The following XPOT variants were observed in gnomAD, a reference collection of about 807,000 sequenced individuals.
XPOT encodes exportin-T.
Under a neutral mutation model 128.2 loss-of-function variants are expected in XPOT, and 34 were observed. The observed-to-expected ratio is 0.27, with a 90% CI of 0.20 to 0.35. The LOEUF is 0.35. XPOT is among the 10% of genes least tolerant of loss of function. The probability of loss-of-function intolerance (pLI) is 1.00; values close to 1 mark genes in which losing one functional copy is unlikely to be tolerated. For missense variants in XPOT, 838 were observed against 1,125.3 expected, an observed-to-expected ratio of 0.74 and a Z score of 3.65; for synonymous variants, 348 against 394.3, an observed-to-expected ratio of 0.88 and a Z score of 1.39.
intron 9 of XPOT, 144 bp downstream of exon 9, chr12:64,421,615 C>A: frequency 1.7e-6 from 1 of 578,992 alleles, no homozygotes; most frequent in Non-Finnish European, 3.0e-6. Flanking sequence ...AATGTATTTC[C>A]ATCTTAAAAA....
chr12:64,418,137 G>A lies in XPOT; in HGVS notation c.270+22G>A, dbSNP rs181425665. The A allele has an allele frequency of 4.8e-5, 77 of 1,590,930 alleles. No homozygotes were observed. In the African/African-American group the frequency reaches 1.0e-3, roughly 21 times the overall value. On this transcript the variant is annotated intron_variant, in intron 5 of 24. Coordinates refer to ENST00000332707, the MANE Select transcript of XPOT (RefSeq NM_007235.6). ...TCAGGTAAAATCATAATTTCATTCA[G>A]TACCTCAAATTATTAGATATTTAAA...
In XPOT at chr12:64,404,576, G is replaced by GCCTC. The variant is rs967263748; in HGVS notation, c.-300_-299insCCCT. 2 of 154,020 alleles carry GCCTC rather than the reference G, an allele frequency of 1.3e-5. No homozygotes were observed. The highest frequency in any genetic ancestry group is 4.8e-5 in the African/African-American group (2 of 41,472). 9.5% of individuals were successfully genotyped at this position (154,020 alleles called of 1,614,324 possible). A position where few individuals can be genotyped will look rare whatever the true frequency, so the allele number is the denominator to read the frequency against. On this transcript the variant is annotated 5_prime_UTR_variant, in exon 1 of 25. Transcript: ENST00000332707. Reference sequence around the variant, plus strand: ...TGCTTGCTTGCTTGCTTGCCTGCCTGCCTGCCTGCCCGGCGCCACGCAAGA... The same window carrying GCCTC: ...TGCTTGCTTGCTTGCTTGCCTGCCTGCCTCCCTGCCTGCCCGGCGCCACGCAAGA...
chr12:64,426,298 C>A (rs368515930), intron 15 of XPOT, among the ~76,000 whole-genome samples: 1,657 of 123,270 alleles, frequency 0.013, no homozygotes, highest in Non-Finnish European at 0.015. Flanking sequence ...GACTCAGTCT[C>A]AAAAAAAAAA....
intron 11 of XPOT, 56 bp from the exon 12 acceptor site, chr12:64,424,543 T>C: frequency 6.3e-7 from 1 of 1,599,542 alleles, no homozygotes; most frequent in Non-Finnish European, 8.5e-7. Context: ...CATGGTGGTT[T>C]GCTGCGCCGA....
chr12:64,408,828 C>T (rs1455560921), intron 1 of XPOT, among the ~76,000 whole-genome samples: 1 of 152,128 alleles, frequency 6.6e-6, no homozygotes, highest in African/African-American at 2.4e-5. Flanking sequence ...CATGTGCCAC[C>T]AAGCCTGGCT....
At chr12:64,433,306 T>C (rs903913148) in intron 18 of XPOT, 108 bp from the exon 19 acceptor site, 83 of 1,012,918 alleles carry the variant, frequency 8.2e-5, no homozygotes, top group Non-Finnish European at 1.1e-4. Flanking sequence ...CTGAATTATG[T>C]ACGCATGCAT....
chr12:64,418,033 C>G lies in XPOT; in HGVS notation c.201-13C>G. 6.3e-7 allele frequency: 1 copy of G among 1,597,838 alleles called. No individual in the cohort carries two copies. The highest frequency in any genetic ancestry group is 8.5e-7 in the Non-Finnish European group (1 of 1,172,244). On this transcript the variant is annotated splice_polypyrimidine_tract_variant and intron_variant, in intron 4 of 24. Transcript: ENST00000332707. ...ATATAGCCATTATTCTTTTTCTTCTCTATTTTGAACAGATACTCAGAACTA... is the reference window on the plus strand; with the variant it reads ...ATATAGCCATTATTCTTTTTCTTCTGTATTTTGAACAGATACTCAGAACTA...
At chr12:64,422,171 T>C (rs2040144577) in intron 9 of XPOT, among the ~76,000 whole-genome samples, 2 of 152,224 alleles carry the variant, frequency 1.3e-5, no homozygotes, top group South Asian at 2.1e-4. Context: ...GGTGTTAGTC[T>C]CCATATTATA....
chr12:64,425,688 G>A (rs1048975657), intron 14 of XPOT, 127 bp from the exon 15 acceptor site: 33 of 1,018,914 alleles, frequency 3.2e-5, no homozygotes, highest in Admixed American at 8.0e-5. Context: ...AGAATTACTC[G>A]TATATTCCTA....
chr12:64,412,440 A>C (rs2040047111), intron 2 of XPOT, among the ~76,000 whole-genome samples: 2 of 152,160 alleles, frequency 1.3e-5, no homozygotes, highest in Admixed American at 1.3e-4. Flanking sequence ...CTCTTTTGTA[A>C]GTGAAATATT....
At chr12:64,417,910 T>G in intron 4 of XPOT, 136 bp from the exon 5 acceptor site, 1 of 551,984 alleles carries the variant, frequency 1.8e-6, no homozygotes, top group Non-Finnish European at 3.1e-6. Context: ...TGAGTGGCAT[T>G]ATCAGTTTAT....
At chr12:64,445,161 A>C (rs760722201) in intron 24 of XPOT, 30 bp downstream of exon 24, 3 of 1,538,680 alleles carry the variant, frequency 1.9e-6, no homozygotes, top group Admixed American at 3.6e-5. Flanking sequence ...ACGTATCTTC[A>C]TACAATTAGG....
At position 64,435,618 on chromosome 12, in the gene XPOT, T is replaced by G; in HGVS notation, c.2686-9T>G. On this transcript the variant is annotated splice_polypyrimidine_tract_variant and intron_variant, in intron 21 of 24. Transcript: ENST00000332707. The stretch of plus-strand genomic sequence containing the variant: ...AATATATAGAAATTCTTAAACTTGT[T>G]TTTCACAGGCTTTATCTGAGTGTGC... The G allele has an allele frequency of 1.3e-6, 2 of 1,590,134 alleles. No individual in the cohort carries two copies. The highest frequency in any genetic ancestry group is 2.3e-5 in the East Asian group (1 of 43,636).
rs2136044724 is a variant in XPOT at position 64,449,206 on chromosome 12, A to G, written c.*1075A>G. 2 of 151,846 alleles carry G rather than the reference A, an allele frequency of 1.3e-5. 1 individual carries two copies. The highest frequency in any genetic ancestry group is 6.8e-3 in the Middle Eastern group (2 of 294). 9.4% of individuals were successfully genotyped at this position (151,846 alleles called of 1,614,324 possible). A position where few individuals can be genotyped will look rare whatever the true frequency, so the allele number is the denominator to read the frequency against. ...TAAGACTCTCTCTCAAAAAAAAAAAAAAAGAATTTAAAATCCCAATTTATT... is the reference window on the plus strand; with the variant it reads ...TAAGACTCTCTCTCAAAAAAAAAAAGAAAGAATTTAAAATCCCAATTTATT... On this transcript the variant is annotated 3_prime_UTR_variant, in exon 25 of 25. Transcript: ENST00000332707.
chr12:64,440,748 G>A (rs1468210336), intron 23 of XPOT, among the ~76,000 whole-genome samples: 7 of 152,010 alleles, frequency 4.6e-5, no homozygotes, highest in Non-Finnish European at 1.0e-4. Context: ...TTAACCATTT[G>A]TATTTGGAGA....
chr12:64,410,503 C>G, intron 2 of XPOT, among the ~76,000 whole-genome samples: 1 of 150,842 alleles, frequency 6.6e-6, no homozygotes, highest in East Asian at 1.9e-4. Context: ...TAATTTTTTT[C>G]TAGAGATAGG....
chr12:64,428,928 A>G (rs370557827), intron 16 of XPOT, among the ~76,000 whole-genome samples: 1 of 152,146 alleles, frequency 6.6e-6, no homozygotes, highest in African/African-American at 2.4e-5. Flanking sequence ...GTGTAAGTGC[A>G]TGTCACTATG....
chr12:64,440,419 A>T (rs915176870), intron 23 of XPOT, among the ~76,000 whole-genome samples: 3 of 152,248 alleles, frequency 2.0e-5, no homozygotes, highest in African/African-American at 7.2e-5. Context: ...TACAGTTAAC[A>T]TGGGAATGCT....
chr12:64,418,100 A>T lies in XPOT; in HGVS notation c.255A>T (p.Ser85=), dbSNP rs764587356. Reference sequence around the variant, plus strand: ...AGCTAATTAGGGAGACGCTCATATCATGGCTGCAAGCTCAGGTAAAATCAT... The same window carrying T: ...AGCTAATTAGGGAGACGCTCATATCTTGGCTGCAAGCTCAGGTAAAATCAT... The part of the protein sequence containing the change: ...QQQLIRETLI[S]WLQAQMLNPQ... Residue 85 remains serine, a synonymous_variant, in exon 5 of 25, where the codon TCA becomes TCT. Coordinates refer to ENST00000332707, the MANE Select transcript of XPOT (RefSeq NM_007235.6). 6.2e-7 allele frequency: 1 copy of T among 1,613,442 alleles called. No individual in the cohort carries two copies. The highest frequency in any genetic ancestry group is 2.2e-5 in the East Asian group (1 of 44,820).
Sources: gnomAD v4.1 joint callset for allele counts (sites outside exome capture counted in the v4.1 genomes callset) on GRCh38, gnomAD v4.1.1 for gene constraint, MANE v1.5 for transcripts, NCBI Gene and HGNC (gene_info 2026-07-23, HGNC 2026-07-21) for gene names.